The following IGF1R variants were observed in gnomAD, a reference collection of about 807,000 sequenced individuals.
IGF1R encodes insulin like growth factor 1 receptor, also known as insulin-like growth factor 1 receptor.
IGF1R carries 44 observed loss-of-function variants against 144.6 expected under a neutral mutation model. The ratio of observed to expected loss-of-function variants is 0.30; its 90% confidence interval spans 0.24 to 0.39. The LOEUF (loss-of-function observed/expected upper bound fraction) is 0.39, where lower values mean the gene tolerates loss of function less well. IGF1R is among the 10% of genes least tolerant of loss of function. The pLI is 1.00. For missense variants in IGF1R, 1,355 were observed against 1,833.7 expected (o/e 0.74, Z 4.77); for synonymous variants, 795 against 722.8 (o/e 1.10, Z -1.60).
intron 20 of IGF1R, 145 bp downstream of exon 20, chr15:98,948,853 G>A: frequency 1.0e-6 from 1 of 980,162 alleles, no homozygotes; most frequent in South Asian, 1.3e-5. Context: ...GTTTGTCCTT[G>A]TGGAAGGAGC....
chr15:98,736,416 C>T (rs1331643724), intron 2 of IGF1R, among the ~76,000 whole-genome samples: 2 of 152,122 alleles, frequency 1.3e-5, no homozygotes, highest in Non-Finnish European at 2.9e-5. Context: ...ATTGGTGAGA[C>T]ATGGATAAGG....
chr15:98,959,632 G>GTCT lies in IGF1R; in HGVS notation c.*2192_*2194dup. On this transcript the variant is annotated 3_prime_UTR_variant, in exon 21 of 21. Coordinates refer to ENST00000650285, the MANE Select transcript of IGF1R (RefSeq NM_000875.5). The stretch of plus-strand genomic sequence containing the variant: ...GAATCCAGGTCCTTGGGGCCCAGGG[G>GTCT]TCTTGTCTTGTTTCATTTTTAGCAC... 4.3e-6 allele frequency: 1 copy of GTCT among 233,632 alleles called. No homozygotes were observed. The highest frequency in any genetic ancestry group is 8.5e-6 in the Non-Finnish European group (1 of 118,004). 14.5% of individuals were successfully genotyped at this position (233,632 alleles called of 1,614,324 possible).
chr15:98,830,796 G>T (rs933981766), intron 2 of IGF1R, among the ~76,000 whole-genome samples: 2 of 152,050 alleles, frequency 1.3e-5, no homozygotes, highest in Non-Finnish European at 2.9e-5. Flanking sequence ...TAAAGATGGG[G>T]TTTTGCCATG....
intron 2 of IGF1R, among the ~76,000 whole-genome samples, chr15:98,828,860 G>C (rs1232952215): frequency 2.3e-5 from 3 of 132,170 alleles, no homozygotes; most frequent in African/African-American, 8.7e-5. Context: ...GAGTGCATTT[G>C]TTCATTTATA....
chr15:98,871,041 C>T lies in IGF1R; in HGVS notation c.641-20284C>T, dbSNP rs114760928. ...CATGCCCAGGAGCTGGCCCAGGGCG[C>T]GCATGCACAAAGCCAGTGCTCTTTT... is the stretch of plus-strand genomic sequence containing the variant. On this transcript the variant is annotated intron_variant, in intron 2 of 20. Coordinates refer to ENST00000650285, the MANE Select transcript of IGF1R (RefSeq NM_000875.5). Among the ~76,000 whole-genome samples, 442 of 152,294 alleles carry T rather than the reference C, an allele frequency of 2.9e-3. 2 individuals are homozygous for T. Among genetic ancestry groups the T allele is most frequent in the African/African-American group, 1.0e-2 (415 of 41,568 alleles).
intron 2 of IGF1R, among the ~76,000 whole-genome samples, chr15:98,815,939 A>G (rs1328953108): frequency 3.3e-5 from 5 of 152,180 alleles, no homozygotes; most frequent in Admixed American, 2.0e-4. Context: ...ATTAAAAGTC[A>G]ATATGGTAAA....
chr15:98,808,092 A>G (rs2056505997), intron 2 of IGF1R, among the ~76,000 whole-genome samples: 1 of 152,244 alleles, frequency 6.6e-6, no homozygotes, highest in South Asian at 2.1e-4. Context: ...TGTTTGGGAA[A>G]GGTACGTGGG....
intron 2 of IGF1R, among the ~76,000 whole-genome samples, chr15:98,759,135 G>T (rs1468723938): frequency 6.6e-6 from 1 of 152,126 alleles, no homozygotes; most frequent in Non-Finnish European, 1.5e-5. Flanking sequence ...TCAATTGTAT[G>T]CCTGTAAGTA....
chr15:98,679,339 T>TG (rs2053129545), intron 1 of IGF1R, among the ~76,000 whole-genome samples: 1 of 152,380 alleles, frequency 6.6e-6, no homozygotes, highest in South Asian at 2.1e-4. Context: ...ATGTTTTAGT[T>TG]GCTTTTCTCT....
In IGF1R at chr15:98,908,775, G is replaced by A. The variant is rs1369186335; in HGVS notation, c.1338G>A (p.Met446Ile). 4 of 1,614,054 alleles carry A rather than the reference G, an allele frequency of 2.5e-6. No homozygotes were observed. The Admixed American group carries it at 5.0e-5, about 20-fold the overall frequency. ...HRNLTIKAGKMYFAFNPKLCV... is the reference protein window; with the variant it reads ...HRNLTIKAGKIYFAFNPKLCV... ...ACCTGACCATCAAAGCAGGGAAAAT[G>A]TACTTTGCTTTCAATCCCAAATTAT... Residue 446 changes from methionine (M) to isoleucine (I), a missense_variant, in exon 6 of 21, where the codon ATG becomes ATA. Physicochemically the swap from Met to Ile is conservative, Grantham distance 10. Coordinates refer to ENST00000650285, the MANE Select transcript of IGF1R (RefSeq NM_000875.5).
In IGF1R at chr15:98,803,757, C is replaced by T. The variant is rs958677804; in HGVS notation, c.641-87568C>T. On this transcript the variant is annotated intron_variant, in intron 2 of 20. Coordinates refer to ENST00000650285, the MANE Select transcript of IGF1R (RefSeq NM_000875.5). ...CTGACCTTAAGTGATCCACCCGCCT[C>T]GGCCTCCCAAAGCACTGGGATTACA... Among the ~76,000 whole-genome samples the T allele has an allele frequency of 4.6e-5, 7 of 152,152 alleles. No individual in the cohort carries two copies. The East Asian group carries it at 1.3e-3, about 29-fold the overall frequency.
chr15:98,960,609 C>T lies in IGF1R; in HGVS notation c.*3167C>T, dbSNP rs2017184882. On this transcript the variant is annotated 3_prime_UTR_variant, in exon 21 of 21. Transcript: ENST00000650285. ...TCCCCTTGCTGCTGCTCCATCCCTG[C>T]AGGAGGCTCGCGCTGAGGCAGGACC... 8.6e-6 allele frequency: 2 copies of T among 233,472 alleles called. No homozygotes were observed. Among genetic ancestry groups the T allele is most frequent in the East Asian group, 6.0e-5 (1 of 16,612 alleles). The allele number at this position is 233,472 out of a possible 1,614,324, so 14.5% of individuals were successfully genotyped here.
At chr15:98,729,649 C>T (rs574444738) in intron 2 of IGF1R, among the ~76,000 whole-genome samples, 5 of 151,790 alleles carry the variant, frequency 3.3e-5, no homozygotes, top group East Asian at 3.9e-4. Context: ...TGAACTGTCC[C>T]GTTCCCTGGA....
chr15:98,886,963 A>G (rs2013672138), intron 2 of IGF1R, among the ~76,000 whole-genome samples: 1 of 152,160 alleles, frequency 6.6e-6, no homozygotes, highest in Admixed American at 6.5e-5. Context: ...AAACAGAGCA[A>G]CTTTCCTTTT....
rs1232916634 is a variant in IGF1R at position 98,913,027 on chromosome 15, A to G, written c.1590-17A>G. 10 of 1,593,868 alleles carry G rather than the reference A, an allele frequency of 6.3e-6. No individual in the cohort carries two copies. The highest frequency in any genetic ancestry group is 8.6e-6 in the Non-Finnish European group (10 of 1,161,576). ...TGTCAGAGCCCCGAACTTTCTCTGA[A>G]CTTAATTGTCTTTCAGACCCTTTAA... On this transcript the variant is annotated splice_polypyrimidine_tract_variant and intron_variant, in intron 7 of 20. Transcript: ENST00000650285.
In IGF1R at chr15:98,852,157, G is replaced by A. The variant is rs183718129; in HGVS notation, c.641-39168G>A. Reference sequence around the variant, plus strand: ...GAATTATGGAAACAAAACCTTTGCGGTTTTCCACAGAACAAAAATGATGTG... The same window carrying A: ...GAATTATGGAAACAAAACCTTTGCGATTTTCCACAGAACAAAAATGATGTG... On this transcript the variant is annotated intron_variant, in intron 2 of 20. Transcript: ENST00000650285. 3.8e-3 allele frequency among the ~76,000 whole-genome samples: 576 copies of A among 152,368 alleles called. 4 individuals carry two copies. Among genetic ancestry groups the A allele is most frequent in the Non-Finnish European group, 5.2e-3 (357 of 68,034 alleles).
chr15:98,695,070 T>C (rs2053565667), intron 1 of IGF1R, among the ~76,000 whole-genome samples: 1 of 152,114 alleles, frequency 6.6e-6, no homozygotes, highest in East Asian at 1.9e-4. Flanking sequence ...TCTGTCTTTA[T>C]TTTTTTTCCT....
intron 2 of IGF1R, among the ~76,000 whole-genome samples, chr15:98,795,034 C>T (rs551407563): frequency 6.6e-6 from 1 of 152,226 alleles, no homozygotes. Flanking sequence ...CTTAACCTCA[C>T]TGTGTATCAG....
intron 1 of IGF1R, chr15:98,650,853 C>CTG (rs1313495672): frequency 1.0e-6 from 1 of 964,328 alleles, no homozygotes; most frequent in African/African-American, 1.8e-5. Context: ...CTTTTGCAAT[C>CTG]TGATAGCTTT....
Sources: allele counts gnomAD v4.1 joint callset (sites outside exome capture counted in the v4.1 genomes callset), GRCh38; gene constraint gnomAD v4.1.1; transcripts MANE v1.5; gene names NCBI Gene and HGNC (gene_info 2026-07-23, HGNC 2026-07-21).